The following PRXL2C variants were observed in gnomAD, a reference collection of about 807,000 sequenced individuals.
PRXL2C encodes the protein peroxiredoxin-like 2C.
Under a neutral mutation model 24.9 loss-of-function variants are expected in PRXL2C, and 38 were observed. The ratio of observed to expected loss-of-function variants is 1.53; its 90% CI spans 1.18 to 2.00. PRXL2C has a LOEUF of 2.00. Among genes scored for constraint, PRXL2C ranks in the 30% most tolerant of loss-of-function variants. PRXL2C has a pLI of 0.00. For synonymous variants in PRXL2C, 98 were observed against 117.2 expected (o/e 0.84, Z 1.06); for missense variants, 294 against 290.9 (o/e 1.01, Z -0.08).
rs1036409665 is a variant in PRXL2C at position 96,653,421 on chromosome 9, G to T, written c.261+1284C>A. ...ACGAAAAAAGTAGAGTGTAATGATGGTTACCAGAGACTGGTTACTCAGGGA... is the reference window on the plus strand; with the variant it reads ...ACGAAAAAAGTAGAGTGTAATGATGTTTACCAGAGACTGGTTACTCAGGGA... On this transcript the variant is annotated intron_variant, in intron 2 of 5. Coordinates refer to ENST00000375234, the MANE Select transcript of PRXL2C (RefSeq NM_153698.2). 3.9e-5 allele frequency among the ~76,000 whole-genome samples: 6 copies of T among 152,136 alleles called. No individual in the cohort carries two copies. The South Asian group carries it at 1.0e-3, about 26-fold the overall frequency.
chr9:96,645,622 C>A lies in PRXL2C; in HGVS notation c.553+271G>T, dbSNP rs188480206. On this transcript the variant is annotated intron_variant, in intron 5 of 5. Coordinates refer to ENST00000375234, the MANE Select transcript of PRXL2C (RefSeq NM_153698.2). Reference sequence around the variant, plus strand: ...ACCATCCTGGCTAACACGGTGAAACCCCGTCTCTACTAAAAATTTAAAAAA... The same window carrying A: ...ACCATCCTGGCTAACACGGTGAAACACCGTCTCTACTAAAAATTTAAAAAA... Among the ~76,000 whole-genome samples, 379 of 151,796 alleles carry A rather than the reference C, an allele frequency of 2.5e-3. 4 individuals carry two copies. Among genetic ancestry groups the A allele is most frequent in the African/African-American group, 8.7e-3 (359 of 41,422 alleles).
chr9:96,653,023 G>C (rs147495254), intron 2 of PRXL2C, among the ~76,000 whole-genome samples: 205 of 152,138 alleles, frequency 1.3e-3, no homozygotes, highest in Admixed American at 2.5e-3. Context: ...GTCAGGAGAT[G>C]GAGACCATAC....
intron 1 of PRXL2C, 126 bp downstream of exon 1, chr9:96,654,964 A>G: frequency 7.9e-7 from 1 of 1,258,324 alleles, no homozygotes; most frequent in Non-Finnish European, 1.0e-6. Context: ...CTAGTTGGGA[A>G]GCGGCCGCGA....
rs947003913 is a variant in PRXL2C, at chr9:96,641,503, T to G, written c.*256A>C. The G allele has an allele frequency of 7.2e-6, 2 of 276,726 alleles. No homozygotes were observed. Among genetic ancestry groups the G allele is most frequent in the Non-Finnish European group, 1.3e-5 (2 of 150,322 alleles). The allele number at this position is 276,726 out of a possible 1,614,324, so 17.1% of individuals were successfully genotyped here. A position where few individuals can be genotyped will look rare whatever the true frequency, so the allele number is the denominator to read the frequency against. On this transcript the variant is annotated 3_prime_UTR_variant, in exon 6 of 6. Transcript: ENST00000375234. ...TTTAGAGTATTTATGATTTTATAGC[T>G]TTTAAAGTTATATTTTGTATATTCA... is the stretch of plus-strand genomic sequence containing the variant.
chr9:96,652,434 T>A (rs1212632495), intron 2 of PRXL2C, among the ~76,000 whole-genome samples: 2 of 150,468 alleles, frequency 1.3e-5, no homozygotes, highest in Non-Finnish European at 2.9e-5. Flanking sequence ...GGCAGGAGAA[T>A]CACTTGAACC....
chr9:96,642,124 G>T (rs562480993), intron 5 of PRXL2C, among the ~76,000 whole-genome samples: 1 of 152,244 alleles, frequency 6.6e-6, no homozygotes, highest in East Asian at 1.9e-4. Context: ...CAAGGGGAAA[G>T]ATTTTTAAAT....
rs140912992 is a variant in PRXL2C, at chr9:96,645,452, G to A, written c.553+441C>T. 2.7e-3 allele frequency among the ~76,000 whole-genome samples: 404 copies of A among 152,110 alleles called. 4 individuals are homozygous for A. Among genetic ancestry groups the A allele is most frequent in the African/African-American group, 8.6e-3 (359 of 41,510 alleles). The stretch of plus-strand genomic sequence containing the variant: ...CCCCCTACAAAAGCACAGCATCCTG[G>A]CTGTAATGCCAAGATGTCCATTTGT... On this transcript the variant is annotated intron_variant, in intron 5 of 5. Transcript: ENST00000375234.
intron 5 of PRXL2C, 90 bp downstream of exon 5, chr9:96,645,803 A>G: frequency 1.4e-6 from 2 of 1,451,822 alleles, no homozygotes; most frequent in Admixed American, 2.4e-5. Context: ...TCTCGAAAAA[A>G]AAAAAAAAGG....
intron 4 of PRXL2C, among the ~76,000 whole-genome samples, chr9:96,649,559 T>C (rs1177108261): frequency 8.0e-6 from 1 of 124,256 alleles, no homozygotes; most frequent in Non-Finnish European, 1.5e-5. Flanking sequence ...AGTGAAACTC[T>C]GTTTCAAAAC....
chr9:96,647,967 G>C (rs1047012893), intron 4 of PRXL2C, among the ~76,000 whole-genome samples: 1 of 152,050 alleles, frequency 6.6e-6, no homozygotes, highest in Non-Finnish European at 1.5e-5. Context: ...GCAGTGGCAC[G>C]ATCACTGCTC....
intron 5 of PRXL2C, among the ~76,000 whole-genome samples, chr9:96,644,819 A>G (rs2119174881): frequency 6.8e-6 from 1 of 147,114 alleles, no homozygotes; most frequent in African/African-American, 2.5e-5. Flanking sequence ...CCTAGCACTG[A>G]CTAACTTGCT....
rs373607244 is a variant in PRXL2C at position 96,645,847 on chromosome 9, A to G, written c.553+46T>C. ...AGAAAATGGCGGCCTCTGAACTTGT[A>G]AAAAGCACAAGACGTCTACTGCTGA... is the stretch of plus-strand genomic sequence containing the variant. On this transcript the variant is annotated intron_variant, in intron 5 of 5. Transcript: ENST00000375234. 194 of 1,535,928 alleles carry G rather than the reference A, an allele frequency of 1.3e-4. 1 individual carries two copies. In the African/African-American group the frequency reaches 2.3e-3, roughly 18 times the overall value.
chr9:96,642,810 T>C (rs1013978271), intron 5 of PRXL2C, among the ~76,000 whole-genome samples: 1 of 152,178 alleles, frequency 6.6e-6, no homozygotes, highest in African/African-American at 2.4e-5. Flanking sequence ...CCCAAAGTGC[T>C]GGGATTACAG....
chr9:96,650,000 T>C (rs1365712210), intron 4 of PRXL2C, among the ~76,000 whole-genome samples: 1 of 152,230 alleles, frequency 6.6e-6, no homozygotes, highest in Non-Finnish European at 1.5e-5. Context: ...TTGCACATGC[T>C]ACTTTCTGTC....
At chr9:96,641,946 A>C in intron 5 of PRXL2C, 60 bp from the exon 6 acceptor site, 1 of 1,347,630 alleles carries the variant, frequency 7.4e-7, no homozygotes, top group Non-Finnish European at 9.7e-7. Flanking sequence ...TTTACTGCTT[A>C]CTAAAATCAA....
In PRXL2C at chr9:96,643,484, G is replaced by T. The variant is rs150017829; in HGVS notation, c.554-1598C>A. 6.2e-3 allele frequency among the ~76,000 whole-genome samples: 943 copies of T among 152,264 alleles called. 15 individuals are homozygous for T. Among genetic ancestry groups the T allele is most frequent in the Admixed American group, 0.052 (795 of 15,282 alleles). On this transcript the variant is annotated intron_variant, in intron 5 of 5. Coordinates refer to ENST00000375234, the MANE Select transcript of PRXL2C (RefSeq NM_153698.2). Reference sequence around the variant, plus strand: ...GATTGTCTCGATCTCCCGACCTTGTGATCTGCTCACCTTGGGCTCCCAAAG... The same window carrying T: ...GATTGTCTCGATCTCCCGACCTTGTTATCTGCTCACCTTGGGCTCCCAAAG...
intron 2 of PRXL2C, 67 bp downstream of exon 2, chr9:96,654,638 T>A: frequency 6.9e-7 from 1 of 1,454,268 alleles, no homozygotes; most frequent in Non-Finnish European, 9.4e-7. Flanking sequence ...TGGAGCCGCG[T>A]CCTCCCCCGC....
At position 96,655,214 on chromosome 9, in the gene PRXL2C, C is replaced by T; in HGVS notation, c.68G>A (p.Gly23Asp). Residue 23 changes from glycine (G) to aspartate (D), a missense_variant, in exon 1 of 6, where the codon GGC becomes GAC. Physicochemically the swap from Gly to Asp is moderately conservative, Grantham distance 94. Transcript: ENST00000375234. ...CGCCAGGGGCTGCCCGCTGTCGGGG[C>T]CGCTCGGGGCCGGGACCAGGGCGGC... is the stretch of plus-strand genomic sequence containing the variant. ...GAAALVPAPS[G>D]PDSGQPLAAA... 8.6e-7 allele frequency: 1 copy of T among 1,159,542 alleles called. No homozygotes were observed. The highest frequency in any genetic ancestry group is 1.1e-6 in the Non-Finnish European group (1 of 943,212). 71.8% of individuals were successfully genotyped at this position (1,159,542 alleles called of 1,614,324 possible). A position where few individuals can be genotyped will look rare whatever the true frequency, so the allele number is the denominator to read the frequency against.
chr9:96,651,355 CCA>C (rs2119188380), intron 4 of PRXL2C, 33 bp downstream of exon 4: 1 of 1,401,192 alleles, frequency 7.1e-7, no homozygotes, highest in African/African-American at 1.4e-5. Context: ...ACATACACCA[CCA>C]GTGTTTTCTA....
Sources: allele counts gnomAD v4.1 joint callset (sites outside exome capture counted in the v4.1 genomes callset), GRCh38; gene constraint gnomAD v4.1.1; transcripts MANE v1.5; gene names NCBI Gene and HGNC (gene_info 2026-07-23, HGNC 2026-07-21).